FAM168A: variants seen among roughly 807,000 people sequenced by gnomAD.
FAM168A encodes the protein protein FAM168A.
FAM168A carries 3 observed loss-of-function variants against 28.5 expected under a neutral mutation model. The observed-to-expected ratio is 0.11, with a 90% confidence interval of 0.05 to 0.27. The LOEUF (loss-of-function observed/expected upper bound fraction) is 0.27, where lower values mean the gene tolerates loss of function less well. Ranked by LOEUF, FAM168A falls within the 10% of genes least tolerant of loss-of-function variation. The pLI is 1.00. For synonymous variants in FAM168A, 122 were observed against 124.2 expected, an observed-to-expected ratio of 0.98 and a Z score of 0.12; for missense variants, 222 against 311.5, an observed-to-expected ratio of 0.71 and a Z score of 2.16.
At chr11:73,556,352 A>T (rs951393534) in intron 1 of FAM168A, among the ~76,000 whole-genome samples, 13 of 144,490 alleles carry the variant, frequency 9.0e-5, no homozygotes, top group East Asian at 2.0e-4. Flanking sequence ...TGTCACTTTT[A>T]AAAAAAAAAA....
intron 2 of FAM168A, among the ~76,000 whole-genome samples, chr11:73,436,162 T>C (rs1287134289): frequency 6.6e-6 from 1 of 152,252 alleles, no homozygotes; most frequent in East Asian, 1.9e-4. Flanking sequence ...GATTTTGATG[T>C]GTACATTTTA....
intron 1 of FAM168A, among the ~76,000 whole-genome samples, chr11:73,517,395 C>G (rs1296931910): frequency 6.6e-6 from 1 of 152,148 alleles, no homozygotes; most frequent in African/African-American, 2.4e-5. Context: ...TTCCACCCCC[C>G]TTCCCCTCAT....
At position 73,551,587 on chromosome 11, in the gene FAM168A, T is replaced by C. The variant is rs115318228; in HGVS notation, c.-19+46336A>G. Among the ~76,000 whole-genome samples, 828 of 152,346 alleles carry C rather than the reference T, an allele frequency of 5.4e-3. 5 individuals are homozygous for C. The highest frequency in any genetic ancestry group is 0.019 in the African/African-American group (796 of 41,582). Reference sequence around the variant, plus strand: ...AACTAAAACTGCTCATTCTTCTCTTTCCCACTGCACACAATTTTGGAAAAA... The same window carrying C: ...AACTAAAACTGCTCATTCTTCTCTTCCCCACTGCACACAATTTTGGAAAAA... On this transcript the variant is annotated intron_variant, in intron 1 of 7. Transcript: ENST00000356467.
intron 1 of FAM168A, among the ~76,000 whole-genome samples, chr11:73,592,003 T>G (rs1944388268): frequency 6.6e-6 from 1 of 152,058 alleles, no homozygotes; most frequent in African/African-American, 2.4e-5. Flanking sequence ...ACTAAAATAC[T>G]TAGAAAAATT....
At chr11:73,462,900 G>A (rs1306779263) in intron 2 of FAM168A, among the ~76,000 whole-genome samples, 2 of 150,992 alleles carry the variant, frequency 1.3e-5, no homozygotes, top group African/African-American at 4.9e-5. Flanking sequence ...GAGAAGAGAA[G>A]AGAAGAGAGG....
At chr11:73,540,248 A>C (rs1358321354) in intron 1 of FAM168A, among the ~76,000 whole-genome samples, 2 of 152,242 alleles carry the variant, frequency 1.3e-5, no homozygotes, top group Non-Finnish European at 2.9e-5. Context: ...ATAAATGCCT[A>C]TTATACTGTC....
rs552493056 is a variant in FAM168A, at chr11:73,539,852, T to C, written c.-19+58071A>G. Among the ~76,000 whole-genome samples, 64 of 152,342 alleles carry C rather than the reference T, an allele frequency of 4.2e-4. 1 individual carries two copies. Among genetic ancestry groups the C allele is most frequent in the African/African-American group, 1.5e-3 (62 of 41,582 alleles). On this transcript the variant is annotated intron_variant, in intron 1 of 7. Transcript: ENST00000356467. ...GTGGGTCTGAAAACAGATGGTCTTATAAGGATGGAGGATTTGGCTCTTATC... is the reference window on the plus strand; with the variant it reads ...GTGGGTCTGAAAACAGATGGTCTTACAAGGATGGAGGATTTGGCTCTTATC...
intron 2 of FAM168A, among the ~76,000 whole-genome samples, chr11:73,441,905 T>A (rs1223940182): frequency 6.6e-6 from 1 of 152,194 alleles, no homozygotes; most frequent in Non-Finnish European, 1.5e-5. Flanking sequence ...TCTCTTTTGT[T>A]CTTCATCAGC....
chr11:73,493,969 TAGA>T (rs1348084781), intron 1 of FAM168A, among the ~76,000 whole-genome samples: 3 of 152,192 alleles, frequency 2.0e-5, no homozygotes. Flanking sequence ...CACTTCATGT[TAGA>T]AGATTTAGTT....
chr11:73,464,583 G>A (rs1295026089), intron 2 of FAM168A, among the ~76,000 whole-genome samples: 1 of 152,170 alleles, frequency 6.6e-6, no homozygotes, highest in Admixed American at 6.5e-5. Flanking sequence ...AGAGAAGGGA[G>A]AACACTTGTT....
chr11:73,537,713 T>G (rs1943599734), intron 1 of FAM168A, among the ~76,000 whole-genome samples: 1 of 152,230 alleles, frequency 6.6e-6, no homozygotes, highest in African/African-American at 2.4e-5. Flanking sequence ...TCATTTTTCC[T>G]CCTGAGGTCT....
At chr11:73,513,296 G>A (rs1203801082) in intron 1 of FAM168A, among the ~76,000 whole-genome samples, 1 of 139,288 alleles carries the variant, frequency 7.2e-6, no homozygotes, top group Non-Finnish European at 1.5e-5. Flanking sequence ...TGCAAGCTCT[G>A]CCTCCCAGGT....
At chr11:73,508,399 A>T (rs1481007838) in intron 1 of FAM168A, among the ~76,000 whole-genome samples, 1 of 152,206 alleles carries the variant, frequency 6.6e-6, no homozygotes, top group Non-Finnish European at 1.5e-5. Flanking sequence ...CCCTTCAAAC[A>T]TCTTTAATAC....
intron 2 of FAM168A, among the ~76,000 whole-genome samples, chr11:73,456,251 C>T (rs1867529939): frequency 6.6e-6 from 1 of 152,192 alleles, no homozygotes; most frequent in Non-Finnish European, 1.5e-5. Flanking sequence ...AATAAAATCT[C>T]TCCAGACATA....
intron 2 of FAM168A, among the ~76,000 whole-genome samples, chr11:73,440,643 G>GA (rs933446575): frequency 3.3e-5 from 5 of 151,082 alleles, no homozygotes; most frequent in African/African-American, 4.9e-5. Context: ...GAAGAAAAAG[G>GA]AAAAAAAAGA....
intron 2 of FAM168A, among the ~76,000 whole-genome samples, chr11:73,465,153 T>C (rs1867715190): frequency 6.6e-6 from 1 of 150,912 alleles, no homozygotes; most frequent in Admixed American, 6.6e-5. Context: ...TCAAGGAAAC[T>C]GAGATGCAGA....
chr11:73,493,798 TCA>T (rs1491413043), intron 1 of FAM168A, among the ~76,000 whole-genome samples: 1 of 152,194 alleles, frequency 6.6e-6, no homozygotes, highest in Non-Finnish European at 1.5e-5. Flanking sequence ...GTTTGGGAAT[TCA>T]CACGGAGATG....
chr11:73,462,973 T>C (rs1178634822), intron 2 of FAM168A, among the ~76,000 whole-genome samples: 1 of 151,980 alleles, frequency 6.6e-6, no homozygotes. Context: ...AAAAAAATTA[T>C]TTATTTATTT....
intron 1 of FAM168A, among the ~76,000 whole-genome samples, chr11:73,539,096 C>A (rs967870918): frequency 1.3e-5 from 2 of 152,158 alleles, no homozygotes; most frequent in African/African-American, 4.8e-5. Context: ...TTTGGCTGCG[C>A]ATTTCAATCT....
Sources: gnomAD v4.1 joint callset for allele counts (sites outside exome capture counted in the v4.1 genomes callset) on GRCh38, gnomAD v4.1.1 for gene constraint, MANE v1.5 for transcripts, NCBI Gene and HGNC (gene_info 2026-07-23, HGNC 2026-07-21) for gene names.